PHYHIPL: variants seen among roughly 807,000 people sequenced by gnomAD.
The protein encoded by PHYHIPL is phytanoyl-CoA hydroxylase-interacting protein-like.
In PHYHIPL, 9 loss-of-function variants were observed where a neutral mutation model predicts 33.4. The ratio of observed to expected loss-of-function variants is 0.27; its 90% CI spans 0.16 to 0.47. The LOEUF (loss-of-function observed/expected upper bound fraction) is 0.47. Ranked by LOEUF, PHYHIPL falls within the 20% of genes least tolerant of loss-of-function variation. The pLI is 0.99. For synonymous variants in PHYHIPL, 153 were observed against 154.1 expected (o/e 0.99, Z 0.05); for missense variants, 365 against 460.7 (o/e 0.79, Z 1.90).
At chr10:59,242,711 A>G (rs990696174) in intron 4 of PHYHIPL, among the ~76,000 whole-genome samples, 1 of 152,198 alleles carries the variant, frequency 6.6e-6, no homozygotes, top group Non-Finnish European at 1.5e-5. Flanking sequence ...TAGAAGATAC[A>G]AAGAATTAAA....
intron 2 of PHYHIPL, among the ~76,000 whole-genome samples, chr10:59,234,728 C>CTAG (rs1840173824): frequency 6.6e-6 from 1 of 151,756 alleles, no homozygotes; most frequent in African/African-American, 2.4e-5. Context: ...AAGGTAAAAT[C>CTAG]ATGACTATCA....
intron 1 of PHYHIPL, among the ~76,000 whole-genome samples, chr10:59,205,522 T>G (rs1839260070): frequency 6.6e-6 from 1 of 152,240 alleles, no homozygotes; most frequent in South Asian, 2.1e-4. Context: ...AGCATATTTG[T>G]GAGTATTTTT....
intron 1 of PHYHIPL, among the ~76,000 whole-genome samples, chr10:59,227,596 A>G (rs1292265691): frequency 3.3e-5 from 5 of 152,172 alleles, no homozygotes; most frequent in African/African-American, 9.7e-5. Context: ...AAAAAGCTGT[A>G]ATCCCTAATG....
chr10:59,225,114 C>T (rs368442400), intron 1 of PHYHIPL, among the ~76,000 whole-genome samples: 2 of 54,926 alleles, frequency 3.6e-5, no homozygotes, highest in South Asian at 1.2e-3. Context: ...ATCAAACTAT[C>T]CCCTCCATAA....
chr10:59,241,670 A>T (rs1367784767), intron 4 of PHYHIPL, among the ~76,000 whole-genome samples: 1 of 152,152 alleles, frequency 6.6e-6, no homozygotes, highest in Admixed American at 6.6e-5. Flanking sequence ...TCCATGTAGG[A>T]CACATATCAT....
In PHYHIPL at chr10:59,247,475, A is replaced by G; in HGVS notation, c.*1884A>G. ...CTCCTTGTATATAATTAAACTTGCTATTCCTTCTTAAAAACAGCTAATACT... is the reference window on the plus strand; with the variant it reads ...CTCCTTGTATATAATTAAACTTGCTGTTCCTTCTTAAAAACAGCTAATACT... On this transcript the variant is annotated 3_prime_UTR_variant, in exon 5 of 5. Coordinates refer to ENST00000373880, the MANE Select transcript of PHYHIPL (RefSeq NM_032439.4). The G allele has an allele frequency of 9.9e-7, 1 of 1,007,536 alleles. No homozygotes were observed. Among genetic ancestry groups the G allele is most frequent in the Non-Finnish European group, 1.5e-6 (1 of 666,154 alleles). 62.4% of individuals were successfully genotyped at this position (1,007,536 alleles called of 1,614,324 possible). A position where few individuals can be genotyped will look rare whatever the true frequency, so the allele number is the denominator to read the frequency against.
At chr10:59,199,577 T>C (rs1279320882) in intron 1 of PHYHIPL, among the ~76,000 whole-genome samples, 3 of 152,210 alleles carry the variant, frequency 2.0e-5, no homozygotes, top group African/African-American at 7.2e-5. Context: ...AAGTAGTTTT[T>C]TCCAATTCTG....
chr10:59,176,695 T>C lies in PHYHIPL; in HGVS notation c.-159T>C. 2 of 625,816 alleles carry C rather than the reference T, an allele frequency of 3.2e-6. No individual in the cohort carries two copies. Among genetic ancestry groups the C allele is most frequent in the Non-Finnish European group, 5.4e-6 (2 of 371,866 alleles). The allele number at this position is 625,816 out of a possible 1,614,324, so 38.8% of individuals were successfully genotyped here. The stretch of plus-strand genomic sequence containing the variant: ...CCACAGCCGTCGCCTTCGCGGCGGC[T>C]CTCCAGCCCCGCGCCTCAGCCTCGG... On this transcript the variant is annotated 5_prime_UTR_variant, in exon 1 of 5. Transcript: ENST00000373880.
chr10:59,192,033 T>A (rs192983258), intron 1 of PHYHIPL, among the ~76,000 whole-genome samples: 1 of 152,170 alleles, frequency 6.6e-6, no homozygotes, highest in East Asian at 1.9e-4. Flanking sequence ...ACATAATGTC[T>A]TTGTAAAACT....
chr10:59,177,250 C>T, intron 1 of PHYHIPL: 2 of 592,488 alleles, frequency 3.4e-6, no homozygotes, highest in South Asian at 4.6e-5. Flanking sequence ...GCTCGCGGCT[C>T]CTGCCCCGAC....
At chr10:59,207,272 A>G (rs2133230846) in intron 1 of PHYHIPL, among the ~76,000 whole-genome samples, 2 of 152,288 alleles carry the variant, frequency 1.3e-5, no homozygotes, top group African/African-American at 2.4e-5. Flanking sequence ...TGCAGCCAAC[A>G]GAGGGCCAGC....
upstream of PHYHIPL, among the ~76,000 whole-genome samples, chr10:59,173,941 TTTTTTTTTTTTTTTTTTTTGG>T (rs1838209287): frequency 2.8e-5 from 3 of 106,500 alleles, no homozygotes; most frequent in African/African-American, 9.1e-5. Context: ...TTTTTTTTTT[TTTTTTTTTTTTTTTTTTTTGG>T]GGAGGAGGGG....
At chr10:59,180,412 A>G (rs2133176837) in intron 1 of PHYHIPL, among the ~76,000 whole-genome samples, 1 of 147,354 alleles carries the variant, frequency 6.8e-6, no homozygotes, top group East Asian at 2.0e-4. Context: ...GTTGCCTTAC[A>G]TGTATCTAAG....
intron 1 of PHYHIPL, among the ~76,000 whole-genome samples, chr10:59,198,518 T>C (rs1212191641): frequency 1.3e-5 from 2 of 152,176 alleles, no homozygotes; most frequent in African/African-American, 2.4e-5. Context: ...TGAACATACA[T>C]GTGCATGTGT....
chr10:59,186,134 A>T (rs1255310782), intron 1 of PHYHIPL, among the ~76,000 whole-genome samples: 1 of 152,168 alleles, frequency 6.6e-6, no homozygotes, highest in Non-Finnish European at 1.5e-5. Flanking sequence ...TCTTGAATTA[A>T]TTTTTGTATA....
chr10:59,243,733 A>G (rs1301055350), intron 4 of PHYHIPL, among the ~76,000 whole-genome samples: 1 of 152,008 alleles, frequency 6.6e-6, no homozygotes, highest in Non-Finnish European at 1.5e-5. Flanking sequence ...TTCCCAAGTC[A>G]TGCTGGTCAG....
intron 1 of PHYHIPL, among the ~76,000 whole-genome samples, chr10:59,213,396 T>TG (rs1187222212): frequency 6.6e-6 from 1 of 152,188 alleles, no homozygotes; most frequent in Admixed American, 6.6e-5. Flanking sequence ...TCTGCTGCAT[T>TG]GCCTTTAACA....
rs372936352 is a variant in PHYHIPL at position 59,245,248 on chromosome 10, A to C, written c.788A>C (p.Asn263Thr). ...EIAAEKLFNP[N>T]TNLYFGDFYC... ...GCCGCAGAAAAACTTTTTAACCCCA[A>C]TACTAACTTATACTTTGGGGACTTC... is the stretch of plus-strand genomic sequence containing the variant. The change falls in exon 5 of 5, where the codon AAT (asparagine) becomes ACT (threonine). Residue 263 changes from asparagine to threonine, a missense_variant. By Grantham distance (65) the Asn-to-Thr change is moderately conservative. Coordinates refer to ENST00000373880, the MANE Select transcript of PHYHIPL (RefSeq NM_032439.4). 17 of 1,613,956 alleles carry C rather than the reference A, an allele frequency of 1.1e-5. No homozygotes were observed. The highest frequency in any genetic ancestry group is 1.4e-5 in the Non-Finnish European group (17 of 1,179,990).
At chr10:59,232,366 TC>T (rs1198147989) in intron 1 of PHYHIPL, among the ~76,000 whole-genome samples, 1 of 151,976 alleles carries the variant, frequency 6.6e-6, no homozygotes, top group Non-Finnish European at 1.5e-5. Flanking sequence ...ACAAATTCTT[TC>T]TAGGCTTGAG....
Sources: allele counts gnomAD v4.1 joint callset (sites outside exome capture counted in the v4.1 genomes callset), GRCh38; gene constraint gnomAD v4.1.1; transcripts MANE v1.5; gene names NCBI Gene and HGNC (gene_info 2026-07-23, HGNC 2026-07-21).